Variants in DUSP29 observed in about 807,000 individuals in gnomAD.
DUSP29 encodes the protein atypical dual-specific protein phosphatase.
In DUSP29, 12 loss-of-function variants were observed where a neutral mutation model predicts 13.5. The ratio of observed to expected loss-of-function variants is 0.89; its 90% confidence interval spans 0.57 to 1.44. The LOEUF (loss-of-function observed/expected upper bound fraction) is 1.44, where lower values mean the gene tolerates loss of function less well. DUSP29 is among the 40% of genes most tolerant of loss of function. The pLI, the probability that DUSP29 is intolerant of heterozygous loss-of-function variation, is 0.00. For synonymous variants in DUSP29, 134 were observed against 128.7 expected (o/e 1.04, Z -0.28); for missense variants, 308 against 301.1 (o/e 1.02, Z -0.17).
At chr10:75,068,406 G>C (rs1847249657) in intron 1 of DUSP29, among the ~76,000 whole-genome samples, 1 of 152,200 alleles carries the variant, frequency 6.6e-6, no homozygotes, top group African/African-American at 2.4e-5. Flanking sequence ...GAGCCCAGGA[G>C]TTTGAGGCTG....
intron 1 of DUSP29, among the ~76,000 whole-genome samples, chr10:75,067,583 A>G (rs908936893): frequency 7.2e-5 from 11 of 152,146 alleles, no homozygotes; most frequent in Non-Finnish European, 1.3e-4. Context: ...CCTGACTCCA[A>G]AGCTTTACCG....
At chr10:75,066,110 T>C (rs1847195766) in intron 1 of DUSP29, among the ~76,000 whole-genome samples, 2 of 152,118 alleles carry the variant, frequency 1.3e-5, no homozygotes, top group East Asian at 3.8e-4. Context: ...GAGAACTAAA[T>C]TGTTCTGTAC....
At chr10:75,046,398 A>C (rs1392063289) in intron 2 of DUSP29, among the ~76,000 whole-genome samples, 1 of 152,218 alleles carries the variant, frequency 6.6e-6, no homozygotes, top group East Asian at 1.9e-4. Flanking sequence ...CACTGGTAAA[A>C]GCATGTGGAC....
rs1846491673 is a variant in DUSP29, at chr10:75,037,692, C to T, written c.*144G>A. The T allele has an allele frequency of 4.2e-6, 6 of 1,415,566 alleles. No homozygotes were observed. The highest frequency in any genetic ancestry group is 5.7e-6 in the Non-Finnish European group (6 of 1,057,820). 87.7% of individuals were successfully genotyped at this position (1,415,566 alleles called of 1,614,324 possible). A position where few individuals can be genotyped will look rare whatever the true frequency, so the allele number is the denominator to read the frequency against. On this transcript the variant is annotated 3_prime_UTR_variant, in exon 4 of 4. Transcript: ENST00000338487. ...GGCAGCTCTGGGTCCTCCCTGTCCC[C>T]AGCACACATGGGGAAGTTGAACAAG... is the stretch of plus-strand genomic sequence containing the variant.
chr10:75,062,341 G>A (rs1211740321), intron 1 of DUSP29, among the ~76,000 whole-genome samples: 1 of 152,244 alleles, frequency 6.6e-6, no homozygotes, highest in Non-Finnish European at 1.5e-5. Flanking sequence ...ATTTTCGGGA[G>A]ACGCTAGAGT....
At chr10:75,042,481 C>A (rs376440715) in intron 3 of DUSP29, among the ~76,000 whole-genome samples, 4 of 152,284 alleles carry the variant, frequency 2.6e-5, no homozygotes, top group East Asian at 1.9e-4. Context: ...TTTGATCCTG[C>A]TTGGAAACCC....
chr10:75,072,772 C>T (rs7923250), intron 1 of DUSP29, among the ~76,000 whole-genome samples: 47 of 152,038 alleles, frequency 3.1e-4, no homozygotes, highest in Non-Finnish European at 6.3e-4. Context: ...ACGATCAGAG[C>T]CCCCGGGCCC....
At chr10:75,056,922 C>A (rs1194232252) in intron 2 of DUSP29, among the ~76,000 whole-genome samples, 3 of 151,984 alleles carry the variant, frequency 2.0e-5, no homozygotes, top group African/African-American at 7.3e-5. Flanking sequence ...GGATGCTTAC[C>A]CTGGATCTTC....
rs1338569841 is a variant in DUSP29 at position 75,043,972 on chromosome 10, C to G, written c.246G>C (p.Thr82=). 1.2e-6 allele frequency: 2 copies of G among 1,612,982 alleles called. No homozygotes were observed. The highest frequency in any genetic ancestry group is 1.7e-5 in the Admixed American group (1 of 60,028). The change falls in exon 3 of 4, where the codon ACG becomes ACC. Residue 82 remains threonine, a synonymous_variant. Transcript: ENST00000338487. ...DRYRLQKAGF[T]HVLNAAHGRW... is the part of the protein sequence containing the mutation. ...GGCCGTGGGCCGCGTTCAGCACGTGCGTGAACCCCGCCTTCTGCAGCCTAT... is the reference window on the plus strand; with the variant it reads ...GGCCGTGGGCCGCGTTCAGCACGTGGGTGAACCCCGCCTTCTGCAGCCTAT...
At chr10:75,068,730 T>C (rs965387750) in intron 1 of DUSP29, among the ~76,000 whole-genome samples, 1 of 152,136 alleles carries the variant, frequency 6.6e-6, no homozygotes, top group Non-Finnish European at 1.5e-5. Context: ...ACTGCTAGGG[T>C]ACGTGGGGAG....
intron 1 of DUSP29, among the ~76,000 whole-genome samples, chr10:75,065,193 A>G (rs1847170116): frequency 6.6e-6 from 1 of 152,164 alleles, no homozygotes; most frequent in Non-Finnish European, 1.5e-5. Flanking sequence ...AAAAATTTCA[A>G]GCTGAACTCT....
chr10:75,039,834 G>A (rs1388811693), intron 3 of DUSP29, among the ~76,000 whole-genome samples: 2 of 152,186 alleles, frequency 1.3e-5, no homozygotes, highest in African/African-American at 2.4e-5. Context: ...AAGGTGCAAG[G>A]TGTATTATGA....
chr10:75,040,902 C>G (rs1846566981), intron 3 of DUSP29, among the ~76,000 whole-genome samples: 1 of 152,188 alleles, frequency 6.6e-6, no homozygotes, highest in South Asian at 2.1e-4. Context: ...GCCCCAGGGG[C>G]TGATTACAGC....
In DUSP29 at chr10:75,043,795, A is replaced by C. The variant is rs138513570; in HGVS notation, c.421+2T>G. ...ATCGGGGCGGGGCCGCGGGTCTCTT[A>C]CTGTGGTCGTCGCTTAGCGCTCTGT... On this transcript the variant is annotated splice_donor_variant, in intron 3 of 3. Coordinates refer to ENST00000338487, the MANE Select transcript of DUSP29 (RefSeq NM_001003892.3). LOFTEE classifies it high-confidence loss of function. 1 of 1,611,084 alleles carries C rather than the reference A, an allele frequency of 6.2e-7. No homozygotes were observed. Among genetic ancestry groups the C allele is most frequent in the African/African-American group, 1.3e-5 (1 of 74,740 alleles).
chr10:75,050,497 T>C (rs77913848), intron 2 of DUSP29, among the ~76,000 whole-genome samples: 2,108 of 152,384 alleles, frequency 0.014, 58 homozygotes, highest in African/African-American at 0.048. Context: ...ATTCATTTAA[T>C]AGGCCATTTC....
At chr10:75,045,957 G>A (rs56042827) in intron 2 of DUSP29, among the ~76,000 whole-genome samples, 1 of 151,664 alleles carries the variant, frequency 6.6e-6, no homozygotes, top group Non-Finnish European at 1.5e-5. Flanking sequence ...CAAGATATAA[G>A]GGAAAAAAAT....
rs1436403117 is a variant in DUSP29, at chr10:75,043,686, TA to T, written c.421+110del. ...CTTGGGCTAAGGGCGGAGCCTAGGC[TA>T]GGGGCGGAGCCTTAGTGGGGCGGGG... On this transcript the variant is annotated intron_variant, in intron 3 of 3. Coordinates refer to ENST00000338487, the MANE Select transcript of DUSP29 (RefSeq NM_001003892.3). 57 of 1,015,302 alleles carry T rather than the reference TA, an allele frequency of 5.6e-5. No homozygotes were observed. In the African/African-American group the frequency reaches 1.1e-3, roughly 19 times the overall value. The allele number at this position is 1,015,302 out of a possible 1,614,324, so 62.9% of individuals were successfully genotyped here.
chr10:75,038,929 T>A (rs1398721842), intron 3 of DUSP29, among the ~76,000 whole-genome samples: 1 of 152,038 alleles, frequency 6.6e-6, no homozygotes, highest in African/African-American at 2.4e-5. Flanking sequence ...GCTGGGTGAA[T>A]GCACATGTGT....
intron 1 of DUSP29, among the ~76,000 whole-genome samples, chr10:75,064,238 G>A (rs1049015129): frequency 6.6e-6 from 1 of 151,910 alleles, no homozygotes; most frequent in African/African-American, 2.4e-5. Flanking sequence ...AGCCGGGCAC[G>A]GTGGCTCACG....
Sources: allele counts gnomAD v4.1 joint callset (sites outside exome capture counted in the v4.1 genomes callset), GRCh38; gene constraint gnomAD v4.1.1; transcripts MANE v1.5; gene names NCBI Gene and HGNC (gene_info 2026-07-23, HGNC 2026-07-21).